Variants in CHM observed in about 807,000 individuals in gnomAD.
The protein encoded by CHM is CHM Rab escort protein, also known as rab proteins geranylgeranyltransferase component A 1.
A neutral mutation model predicts 49.0 loss-of-function variants in CHM; 10 were observed. That is an observed-to-expected ratio of 0.20 (90% confidence interval 0.13 to 0.35). The LOEUF (loss-of-function observed/expected upper bound fraction) is 0.35. Among genes scored for constraint, CHM ranks in the 10% least tolerant of loss-of-function variants. The probability of loss-of-function intolerance (pLI) is 1.00; values close to 1 mark genes in which losing one functional copy is unlikely to be tolerated. For synonymous variants in CHM, 184 were observed against 167.5 expected (o/e 1.10, Z -0.76); for missense variants, 455 against 478.4 (o/e 0.95, Z 0.46).
At chrX:85,903,718 G>C in intron 9 of CHM, 1 of 380,244 alleles carries the variant, frequency 2.6e-6, no homozygotes. Flanking sequence ...CAAATCCCAG[G>C]AAAAAAATCA....
chrX:85,996,418 CT>C (rs1438498400), intron 2 of CHM, among the ~76,000 whole-genome samples: 1 of 111,339 alleles, frequency 9.0e-6, no homozygotes, highest in African/African-American at 3.3e-5. Flanking sequence ...TGAGGTAGAG[CT>C]TTTTCAAGCC....
At chrX:85,924,676 T>C (rs1435686076) in intron 8 of CHM, among the ~76,000 whole-genome samples, 1 of 111,986 alleles carries the variant, frequency 8.9e-6, no homozygotes, top group Non-Finnish European at 1.9e-5. Flanking sequence ...GGAGTCATCA[T>C]GGACCTGGAA....
intron 1 of CHM, among the ~76,000 whole-genome samples, chrX:86,047,029 T>A (rs367603790): frequency 3.3e-4 from 37 of 111,748 alleles, no homozygotes; most frequent in South Asian, 2.6e-3. Context: ...AAGCTGTGTC[T>A]GAGCTGCGAT....
At chrX:85,993,295 C>T (rs1003914546) in intron 2 of CHM, among the ~76,000 whole-genome samples, 12 of 111,172 alleles carry the variant, frequency 1.1e-4, no homozygotes, top group Admixed American at 2.9e-4. Flanking sequence ...CAATAAATGG[C>T]AACACCATCC....
At chrX:85,882,766 G>C (rs1298641762) in intron 12 of CHM, among the ~76,000 whole-genome samples, 12 of 111,691 alleles carry the variant, frequency 1.1e-4, no homozygotes, top group Non-Finnish European at 1.1e-4. Context: ...GAGTTGTTTT[G>C]AAACACATGA....
intron 8 of CHM, among the ~76,000 whole-genome samples, chrX:85,926,789 T>G (rs2148189286): frequency 9.0e-6 from 1 of 111,504 alleles, no homozygotes; most frequent in South Asian, 3.7e-4. Context: ...CTTCCATTTT[T>G]AATAGAGATT....
At chrX:85,918,133 G>A (rs1431873410) in intron 8 of CHM, among the ~76,000 whole-genome samples, 6 of 110,863 alleles carry the variant, frequency 5.4e-5, no homozygotes, top group Non-Finnish European at 1.1e-4. Context: ...AGGTCAACTC[G>A]AAAGAAAAAG....
Position 85,861,280 on chromosome X carries a change from T to A in CHM, c.*3350A>T, listed in dbSNP as rs1923338110. 8.9e-6 allele frequency: 1 copy of A among 112,123 alleles called. No individual in the cohort carries two copies. 9.2% of individuals were successfully genotyped at this position (112,123 alleles called of 1,213,427 possible). On this transcript the variant is annotated 3_prime_UTR_variant, in exon 15 of 15. Transcript: ENST00000357749. ...TCATGCTTTTTGAAATATATCTGAA[T>A]AAAAGACAAATTATTCAATATCAAT...
intron 8 of CHM, among the ~76,000 whole-genome samples, chrX:85,914,651 A>G (rs753564131): frequency 4.5e-5 from 5 of 110,585 alleles, no homozygotes; most frequent in Non-Finnish European, 9.5e-5. Flanking sequence ...CCACTGACAC[A>G]CTGGGAGCCC....
At chrX:85,966,063 A>C (rs1930563695) in intron 4 of CHM, among the ~76,000 whole-genome samples, 1 of 111,684 alleles carries the variant, frequency 9.0e-6, no homozygotes, top group African/African-American at 3.3e-5. Flanking sequence ...ATAAGATACT[A>C]ATCAGGCCGG....
rs574375968 is a variant in CHM, at chrX:85,934,488, A to G, written c.1166+21665T>C. ...CCATCCTGTGTCCATCCTGTGTCCA[A>G]GTGTTCTCATTGCTCAATTCCCACC... is the stretch of plus-strand genomic sequence containing the variant. On this transcript the variant is annotated intron_variant, in intron 8 of 14. Coordinates refer to ENST00000357749, the MANE Select transcript of CHM (RefSeq NM_000390.4). Among the ~76,000 whole-genome samples the G allele has an allele frequency of 4.0e-4, 35 of 87,263 alleles. 1 individual carries two copies. The South Asian group carries it at 0.022, about 55-fold the overall frequency. 75.8% of individuals were successfully genotyped at this position (87,263 alleles called of 115,157 possible).
intron 12 of CHM, among the ~76,000 whole-genome samples, chrX:85,881,717 T>A (rs1017571176): frequency 2.7e-5 from 3 of 111,942 alleles, no homozygotes; most frequent in Non-Finnish European, 5.6e-5. Context: ...TGTGTGAGGA[T>A]ACAAGAGGAC....
intron 8 of CHM, among the ~76,000 whole-genome samples, chrX:85,938,139 T>C (rs986193025): frequency 4.5e-5 from 5 of 111,856 alleles, no homozygotes; most frequent in Admixed American, 1.9e-4. Flanking sequence ...AAAATGAAGA[T>C]TATTGAGTTA....
intron 11 of CHM, among the ~76,000 whole-genome samples, chrX:85,899,794 T>C (rs1926139205): frequency 9.3e-6 from 1 of 107,182 alleles, no homozygotes; most frequent in Non-Finnish European, 1.9e-5. Context: ...TTTGCCAGTA[T>C]TGATTTATAC....
intron 8 of CHM, among the ~76,000 whole-genome samples, chrX:85,915,968 C>T (rs986779887): frequency 1.8e-5 from 2 of 112,087 alleles, no homozygotes; most frequent in African/African-American, 3.2e-5. Flanking sequence ...TATATGGAAC[C>T]GTAAAACAGC....
intron 8 of CHM, among the ~76,000 whole-genome samples, chrX:85,954,550 A>G (rs1929912593): frequency 8.9e-6 from 1 of 111,888 alleles, no homozygotes; most frequent in Non-Finnish European, 1.9e-5. Context: ...ATAAATGGAT[A>G]AAGAAAATGT....
intron 8 of CHM, among the ~76,000 whole-genome samples, chrX:85,943,328 C>T (rs1294974376): frequency 2.7e-5 from 3 of 111,703 alleles, no homozygotes; most frequent in Non-Finnish European, 5.6e-5. Context: ...AGCCAAAAGA[C>T]ACATGAAAAA....
At chrX:85,937,123 G>A (rs1928824864) in intron 8 of CHM, among the ~76,000 whole-genome samples, 1 of 109,155 alleles carries the variant, frequency 9.2e-6, no homozygotes, top group African/African-American at 3.3e-5. Context: ...AAAATTAGCC[G>A]GGTGTGGTTG....
intron 2 of CHM, among the ~76,000 whole-genome samples, chrX:86,007,347 T>C (rs1489215432): frequency 1.1e-4 from 12 of 111,860 alleles, no homozygotes; most frequent in Non-Finnish European, 1.7e-4. Context: ...GACATAGGCA[T>C]GGGCAAGGAC....
Sources: gnomAD v4.1 joint callset for allele counts (sites outside exome capture counted in the v4.1 genomes callset) on GRCh38, gnomAD v4.1.1 for gene constraint, MANE v1.5 for transcripts, NCBI Gene and HGNC (gene_info 2026-07-23, HGNC 2026-07-21) for gene names.